The following PACRG variants were observed in gnomAD, a reference collection of about 807,000 sequenced individuals.
The protein encoded by PACRG is parkin coregulated, also known as parkin coregulated gene protein.
In PACRG, 29 loss-of-function variants were observed where a neutral mutation model predicts 29.7. The observed-to-expected ratio is 0.98, with a 90% CI of 0.73 to 1.33. The LOEUF (loss-of-function observed/expected upper bound fraction) is 1.33, where lower values mean the gene tolerates loss of function less well. Among genes scored for constraint, PACRG ranks in the 40% most tolerant of loss-of-function variants. The pLI is 0.00. For synonymous variants in PACRG, 116 were observed against 118.7 expected, an observed-to-expected ratio of 0.98 and a Z score of 0.15; for missense variants, 279 against 316.2, an observed-to-expected ratio of 0.88 and a Z score of 0.89.
At chr6:163,185,241 G>A (rs910605584) in intron 4 of PACRG, among the ~76,000 whole-genome samples, 1 of 151,906 alleles carries the variant, frequency 6.6e-6, no homozygotes, top group Non-Finnish European at 1.5e-5. Flanking sequence ...TTTTTTTACC[G>A]ATAAAAGCAA....
intron 2 of PACRG, among the ~76,000 whole-genome samples, chr6:162,832,988 G>A (rs1372853844): frequency 6.6e-6 from 1 of 151,856 alleles, no homozygotes; most frequent in Non-Finnish European, 1.5e-5. Flanking sequence ...ATGAAATGAA[G>A]ATTTAATCAA....
chr6:163,078,502 AAGG>A (rs1197420796), intron 3 of PACRG, among the ~76,000 whole-genome samples: 2 of 147,248 alleles, frequency 1.4e-5, no homozygotes, highest in Non-Finnish European at 1.5e-5. Flanking sequence ...CTCAAAAAAA[AAGG>A]GGGGGAGGGG....
At chr6:162,933,154 G>A (rs9458672) in intron 2 of PACRG, among the ~76,000 whole-genome samples, 104,929 of 151,892 alleles carry the variant, frequency 0.69, 36,482 homozygotes, top group East Asian at 0.79. Flanking sequence ...TTTACTCTCC[G>A]TACATTTGTA....
intron 2 of PACRG, among the ~76,000 whole-genome samples, chr6:163,020,980 C>T (rs147592539): frequency 6.6e-6 from 1 of 152,220 alleles, no homozygotes; most frequent in Non-Finnish European, 1.5e-5. Flanking sequence ...CTTCATGACA[C>T]GATCTCCTCC....
At chr6:162,804,383 G>A (rs1178169791) in intron 1 of PACRG, among the ~76,000 whole-genome samples, 1 of 152,074 alleles carries the variant, frequency 6.6e-6, no homozygotes, top group African/African-American at 2.4e-5. Flanking sequence ...AGTGACTGAG[G>A]GACATGTCCT....
At chr6:163,010,092 A>C in intron 2 of PACRG, among the ~76,000 whole-genome samples, 1 of 152,328 alleles carries the variant, frequency 6.6e-6, no homozygotes, top group South Asian at 2.1e-4. Context: ...TAGTAAAAAT[A>C]AAACTGCGAT....
At chr6:162,732,349 A>C (rs1025496139) in intron 1 of PACRG, among the ~76,000 whole-genome samples, 1 of 152,182 alleles carries the variant, frequency 6.6e-6, no homozygotes, top group Non-Finnish European at 1.5e-5. Context: ...AAGAGCAAAC[A>C]GCTTCACTAT....
At chr6:163,212,750 A>C (rs1350423740) in intron 4 of PACRG, among the ~76,000 whole-genome samples, 1 of 38,360 alleles carries the variant, frequency 2.6e-5, no homozygotes, top group African/African-American at 1.1e-4. Context: ...TTATAAAGGG[A>C]AGAAGAGTAA....
At chr6:163,295,725 A>T (rs1202117292) in intron 4 of PACRG, among the ~76,000 whole-genome samples, 1 of 152,240 alleles carries the variant, frequency 6.6e-6, no homozygotes, top group Non-Finnish European at 1.5e-5. Flanking sequence ...TTACTAGTAG[A>T]TAGCAGCTGC....
chr6:163,161,862 G>A (rs1038495340), intron 4 of PACRG, among the ~76,000 whole-genome samples: 1 of 152,168 alleles, frequency 6.6e-6, no homozygotes, highest in Non-Finnish European at 1.5e-5. Context: ...GCTGCTTGTC[G>A]AGTATTTAGA....
intron 4 of PACRG, among the ~76,000 whole-genome samples, chr6:163,109,601 C>T (rs960362502): frequency 6.6e-5 from 10 of 152,142 alleles, no homozygotes; most frequent in Non-Finnish European, 1.2e-4. Flanking sequence ...GTAAGTAGAG[C>T]ATTTTAGTAG....
At chr6:163,035,022 T>C (rs1174211065) in intron 2 of PACRG, among the ~76,000 whole-genome samples, 1 of 152,172 alleles carries the variant, frequency 6.6e-6, no homozygotes, top group Non-Finnish European at 1.5e-5. Context: ...TAGGGTAACT[T>C]CCTGATGTTG....
At chr6:162,983,364 T>C (rs1802591522) in intron 2 of PACRG, among the ~76,000 whole-genome samples, 1 of 151,962 alleles carries the variant, frequency 6.6e-6, no homozygotes, top group African/African-American at 2.4e-5. Context: ...GTTGCCTAAA[T>C]ACCTTATTTT....
At chr6:162,864,979 T>G (rs919190147) in intron 2 of PACRG, among the ~76,000 whole-genome samples, 8 of 152,242 alleles carry the variant, frequency 5.3e-5, no homozygotes, top group Admixed American at 5.2e-4. Context: ...CCTTTAGACT[T>G]ACATAGTGAT....
intron 4 of PACRG, among the ~76,000 whole-genome samples, chr6:163,298,930 T>G (rs565610919): frequency 1.6e-3 from 245 of 152,332 alleles, no homozygotes; most frequent in African/African-American, 5.8e-3. Context: ...GGAGATCTTC[T>G]GGATCATCGT....
At chr6:163,127,598 T>C (rs765640730) in intron 4 of PACRG, among the ~76,000 whole-genome samples, 3 of 152,226 alleles carry the variant, frequency 2.0e-5, no homozygotes, top group Non-Finnish European at 4.4e-5. Flanking sequence ...TCTTATTAGT[T>C]TCCCCTTCCT....
chr6:163,087,092 A>G (rs1813631999), intron 3 of PACRG, among the ~76,000 whole-genome samples: 1 of 152,140 alleles, frequency 6.6e-6, no homozygotes, highest in Admixed American at 6.5e-5. Flanking sequence ...GAAGTGGAGA[A>G]AGACAGAAAG....
chr6:163,266,474 A>C (rs1018963062), intron 4 of PACRG, among the ~76,000 whole-genome samples: 4 of 152,186 alleles, frequency 2.6e-5, no homozygotes, highest in Non-Finnish European at 5.9e-5. Flanking sequence ...TTGTCAGGAC[A>C]GGGATGGAAC....
At chr6:162,984,900 G>T in intron 2 of PACRG, among the ~76,000 whole-genome samples, 1 of 151,180 alleles carries the variant, frequency 6.6e-6, no homozygotes, top group South Asian at 2.1e-4. Flanking sequence ...TGTGGATTCT[G>T]GATATTCATC....
Sources: gnomAD v4.1 joint callset for allele counts (sites outside exome capture counted in the v4.1 genomes callset) on GRCh38, gnomAD v4.1.1 for gene constraint, MANE v1.5 for transcripts, NCBI Gene and HGNC (gene_info 2026-07-23, HGNC 2026-07-21) for gene names.